Variants in ANO5 observed in about 807,000 individuals in gnomAD.
The protein encoded by ANO5 is anoctamin 5, also known as anoctamin-5.
Under a neutral mutation model 121.0 loss-of-function variants are expected in ANO5, and 109 were observed. The ratio of observed to expected loss-of-function variants is 0.90; its 90% CI spans 0.77 to 1.06. ANO5 has a LOEUF of 1.06. ANO5 is among the 50% of genes least tolerant of loss of function. The probability of loss-of-function intolerance (pLI) is 0.00; values close to 1 mark genes in which losing one functional copy is unlikely to be tolerated. For missense variants in ANO5, 1,064 were observed against 1,078.5 expected (o/e 0.99, Z 0.19); for synonymous variants, 406 against 359.9 (o/e 1.13, Z -1.45).
chr11:22,202,886 A>G lies in ANO5; in HGVS notation c.41-918A>G, dbSNP rs113952537. ...TAGGGCCCACCTTAAATCCAGTATAACTTCATCTCTAGATCATTAACTAAT... is the reference window on the plus strand; with the variant it reads ...TAGGGCCCACCTTAAATCCAGTATAGCTTCATCTCTAGATCATTAACTAAT... On this transcript the variant is annotated intron_variant, in intron 1 of 21. Transcript: ENST00000324559. Among the ~76,000 whole-genome samples the G allele has an allele frequency of 3.0e-3, 457 of 152,254 alleles. 3 individuals carry two copies. Among genetic ancestry groups the G allele is most frequent in the African/African-American group, 0.01 (421 of 41,560 alleles).
Position 22,240,157 on chromosome 11 carries a change from A to G in ANO5, c.878+473A>G, listed in dbSNP as rs984003581. ...GTCCAGAAATTTGGAACATAAGACA[A>G]AGGTTGTGTATGGATGTTTGTGTGT... On this transcript the variant is annotated intron_variant, in intron 9 of 21. Coordinates refer to ENST00000324559, the MANE Select transcript of ANO5 (RefSeq NM_213599.3). Among the ~76,000 whole-genome samples the G allele has an allele frequency of 2.6e-5, 4 of 151,910 alleles. No homozygotes were observed. In the South Asian group the frequency reaches 8.3e-4, roughly 32 times the overall value.
chr11:22,195,330 C>T (rs533585912), intron 1 of ANO5, among the ~76,000 whole-genome samples: 6 of 152,062 alleles, frequency 3.9e-5, no homozygotes, highest in Admixed American at 2.6e-4. Context: ...AATACAAGTC[C>T]CTTATTAGAT....
At chr11:22,226,713 G>C (rs746250277) in intron 6 of ANO5, among the ~76,000 whole-genome samples, 4 of 151,970 alleles carry the variant, frequency 2.6e-5, no homozygotes, top group Non-Finnish European at 5.9e-5. Flanking sequence ...CTGTCTTAAA[G>C]AAAAAGAAAA....
Position 22,211,322 on chromosome 11 carries a change from G to A in ANO5, c.138+8G>A. On this transcript the variant is annotated splice_region_variant and intron_variant, in intron 3 of 21. Transcript: ENST00000324559. ...ATCAATGAAGAAACAATGGTAAGCA[G>A]CGACCAGTACTATCCTTTCTTGCAT... 1 of 1,611,554 alleles carries A rather than the reference G, an allele frequency of 6.2e-7. No homozygotes were observed. Among genetic ancestry groups the A allele is most frequent in the Non-Finnish European group, 8.5e-7 (1 of 1,178,184 alleles).
At position 22,259,514 on chromosome 11, in the gene ANO5, C is replaced by T; in HGVS notation, c.1408-5C>T. On this transcript the variant is annotated splice_region_variant and splice_polypyrimidine_tract_variant and intron_variant, in intron 14 of 21. Transcript: ENST00000324559. Reference sequence around the variant, plus strand: ...AAATAGCAGTTCTTTGTTTTCCTTTCCCAGATGTCTCTTGTCGTCACCAGT... The same window carrying T: ...AAATAGCAGTTCTTTGTTTTCCTTTTCCAGATGTCTCTTGTCGTCACCAGT... The T allele has an allele frequency of 6.2e-7, 1 of 1,613,428 alleles. No individual in the cohort carries two copies. The highest frequency in any genetic ancestry group is 1.3e-5 in the African/African-American group (1 of 75,016).
intron 2 of ANO5, among the ~76,000 whole-genome samples, chr11:22,205,511 T>G (rs976260116): frequency 1.3e-5 from 2 of 150,712 alleles, no homozygotes; most frequent in Non-Finnish European, 3.0e-5. Flanking sequence ...TTCTTAAAAC[T>G]GTAGACTCTT....
In ANO5 at chr11:22,272,714, G is replaced by C. The variant is rs186522781; in HGVS notation, c.2030-70G>C. The C allele has an allele frequency of 3.7e-4, 529 of 1,423,364 alleles. 3 individuals carry two copies. In the African/African-American group the frequency reaches 5.9e-3, roughly 16 times the overall value. 88.2% of individuals were successfully genotyped at this position (1,423,364 alleles called of 1,614,324 possible). ...CACTCCAAAACGAAGGAAGTAGCAG[G>C]ATTTGGGCAGGGTGTTCCTGTCTTT... On this transcript the variant is annotated intron_variant, in intron 18 of 21. Coordinates refer to ENST00000324559, the MANE Select transcript of ANO5 (RefSeq NM_213599.3).
At chr11:22,275,858 G>T (rs1854820243) in intron 20 of ANO5, among the ~76,000 whole-genome samples, 1 of 151,732 alleles carries the variant, frequency 6.6e-6, no homozygotes, top group Admixed American at 6.6e-5. Flanking sequence ...TGAAGGGCAA[G>T]AGAGAAGTTC....
In ANO5 at chr11:22,193,208, G is replaced by C. The variant is rs1851700878; in HGVS notation, c.-285G>C. On this transcript the variant is annotated 5_prime_UTR_variant, in exon 1 of 22. Coordinates refer to ENST00000324559, the MANE Select transcript of ANO5 (RefSeq NM_213599.3). ...CCAGGAGCGCTACCGGCTGAGGGTGGGGAAGCGCAGGGCCAAGCGCGCGAA... is the reference window on the plus strand; with the variant it reads ...CCAGGAGCGCTACCGGCTGAGGGTGCGGAAGCGCAGGGCCAAGCGCGCGAA... 7.9e-7 allele frequency: 1 copy of C among 1,258,696 alleles called. No homozygotes were observed. Among genetic ancestry groups the C allele is most frequent in the African/African-American group, 1.6e-5 (1 of 63,752 alleles). 78.0% of individuals were successfully genotyped at this position (1,258,696 alleles called of 1,614,324 possible). A position where few individuals can be genotyped will look rare whatever the true frequency, so the allele number is the denominator to read the frequency against.
In ANO5 at chr11:22,239,668, C is replaced by T. The variant is rs750719357; in HGVS notation, c.862C>T (p.Pro288Ser). The T allele has an allele frequency of 6.2e-7, 1 of 1,606,082 alleles. No homozygotes were observed. The highest frequency in any genetic ancestry group is 1.7e-5 in the Admixed American group (1 of 59,934). Reference protein sequence around the residue: ...ARFSYFYKEQPLDLIKNYYGE... With the variant: ...ARFSYFYKEQSLDLIKNYYGE... ...ATTTTCCTATTTCTACAAGGAGCAG[C>T]CTTTAGACTTGATTAAGTAAGTTTC... Residue 288 changes from proline (P) to serine (S), a missense_variant, in exon 9 of 22, where the codon CCT becomes TCT. Physicochemically the swap from Pro to Ser is moderately conservative, Grantham distance 74 (BLOSUM62 -1). Transcript: ENST00000324559.
intron 2 of ANO5, among the ~76,000 whole-genome samples, chr11:22,208,433 CAT>C (rs1273410534): frequency 2.0e-5 from 3 of 151,990 alleles, no homozygotes; most frequent in African/African-American, 7.2e-5. Context: ...TAAAGGAACA[CAT>C]ATGTTATGAT....
chr11:22,224,717 A>G (rs917781537), intron 5 of ANO5, among the ~76,000 whole-genome samples: 1 of 152,116 alleles, frequency 6.6e-6, no homozygotes, highest in African/African-American at 2.4e-5. Context: ...GACCACTGGG[A>G]TTAAATCAAG....
At chr11:22,225,906 T>C (rs1265605858) in intron 5 of ANO5, 78 bp from the exon 6 acceptor site, 2 of 1,104,316 alleles carry the variant, frequency 1.8e-6, no homozygotes, top group African/African-American at 3.1e-5. Context: ...TCACAGCCAT[T>C]GTATATTGAA....
At chr11:22,248,481 C>T (rs757970918) in intron 9 of ANO5, among the ~76,000 whole-genome samples, 18 of 151,970 alleles carry the variant, frequency 1.2e-4, no homozygotes, top group Non-Finnish European at 2.2e-4. Flanking sequence ...ATAATGTATG[C>T]ATTTTTACCA....
chr11:22,223,128 C>A (rs921395505), intron 5 of ANO5, among the ~76,000 whole-genome samples: 2 of 152,062 alleles, frequency 1.3e-5, no homozygotes, highest in Non-Finnish European at 1.5e-5. Flanking sequence ...TTGTGCCCTG[C>A]ATTCTCTTTC....
intron 12 of ANO5, among the ~76,000 whole-genome samples, chr11:22,253,276 T>G (rs977577428): frequency 6.2e-5 from 9 of 144,898 alleles, no homozygotes; most frequent in African/African-American, 2.6e-4. Flanking sequence ...TTGTTTTTAG[T>G]CCACATCATT....
chr11:22,243,097 GT>G (rs917038427), intron 9 of ANO5, among the ~76,000 whole-genome samples: 4 of 151,918 alleles, frequency 2.6e-5, no homozygotes, highest in Non-Finnish European at 5.9e-5. Context: ...ACTATTGAGG[GT>G]TTTTTAATCA....
At chr11:22,240,641 T>C (rs1250565999) in intron 9 of ANO5, among the ~76,000 whole-genome samples, 1 of 152,108 alleles carries the variant, frequency 6.6e-6, no homozygotes, top group Non-Finnish European at 1.5e-5. Flanking sequence ...TTTAATACTT[T>C]AAGTTATAAA....
At chr11:22,228,804 A>G (rs562277203) in intron 7 of ANO5, among the ~76,000 whole-genome samples, 1 of 152,078 alleles carries the variant, frequency 6.6e-6, no homozygotes, top group East Asian at 1.9e-4. Context: ...ACAACATTTC[A>G]TTCTTTTTAT....
Sources: gnomAD v4.1 joint callset for allele counts (sites outside exome capture counted in the v4.1 genomes callset) on GRCh38, gnomAD v4.1.1 for gene constraint, MANE v1.5 for transcripts, NCBI Gene and HGNC (gene_info 2026-07-23, HGNC 2026-07-21) for gene names.